SGCD: variants seen among roughly 807,000 people sequenced by gnomAD.
SGCD encodes sarcoglycan delta, also known as delta-sarcoglycan.
SGCD carries 18 observed loss-of-function variants against 36.6 expected under a neutral mutation model. The ratio of observed to expected loss-of-function variants is 0.49; its 90% CI spans 0.34 to 0.73. The LOEUF is 0.73. Among genes scored for constraint, SGCD ranks in the 30% least tolerant of loss-of-function variants. The probability of loss-of-function intolerance (pLI) is 0.01; values close to 1 mark genes in which losing one functional copy is unlikely to be tolerated. For missense variants in SGCD, 387 were observed against 346.7 expected (o/e 1.12, Z -0.92); for synonymous variants, 133 against 130.6 (o/e 1.02, Z -0.12).
chr5:156,735,770 A>G (rs1240925353), intron 7 of SGCD, among the ~76,000 whole-genome samples: 1 of 152,026 alleles, frequency 6.6e-6, no homozygotes, highest in African/African-American at 2.4e-5. Flanking sequence ...CCACTTTCCT[A>G]GGGGTATCTA....
chr5:155,801,083 A>G, the SGCD span, among the ~76,000 whole-genome samples: 1 of 152,086 alleles, frequency 6.6e-6, no homozygotes, highest in Non-Finnish European at 1.5e-5. Flanking sequence ...AGTCACACCT[A>G]TGGAGGAAGA....
chr5:156,591,845 A>G (rs889785838), intron 5 of SGCD, among the ~76,000 whole-genome samples: 1 of 152,062 alleles, frequency 6.6e-6, no homozygotes, highest in Non-Finnish European at 1.5e-5. Context: ...TGTCCAGGGA[A>G]TTTTGCAGCC....
At chr5:156,082,835 A>C (rs1025543267) in intron 1 of SGCD, among the ~76,000 whole-genome samples, 2 of 152,192 alleles carry the variant, frequency 1.3e-5, no homozygotes, top group African/African-American at 4.8e-5. Context: ...CAAAACTTCA[A>C]AACTGTTTTC....
At chr5:156,430,399 T>G (rs1347929867) in intron 3 of SGCD, among the ~76,000 whole-genome samples, 1 of 152,052 alleles carries the variant, frequency 6.6e-6, no homozygotes, top group African/African-American at 2.4e-5. Flanking sequence ...AGTTTTTTAT[T>G]CATATCCTGG....
At chr5:156,598,988 T>A (rs180846577) in intron 6 of SGCD, among the ~76,000 whole-genome samples, 17 of 152,358 alleles carry the variant, frequency 1.1e-4, no homozygotes, top group African/African-American at 4.1e-4. Flanking sequence ...TTTGCTTTTT[T>A]ATGTGAAATG....
intron 3 of SGCD, among the ~76,000 whole-genome samples, chr5:156,198,866 A>ATTG (rs1274448285): frequency 2.0e-5 from 3 of 151,828 alleles, no homozygotes; most frequent in Admixed American, 1.3e-4. Context: ...TATTATTATT[A>ATTG]TTATTTGATT....
chr5:155,765,513 A>G, the SGCD span, among the ~76,000 whole-genome samples: 4 of 152,046 alleles, frequency 2.6e-5, no homozygotes, highest in African/African-American at 4.8e-5. Flanking sequence ...AGGCAATCTA[A>G]TATAATCTAA....
In SGCD at chr5:156,470,539, T is replaced by C. The variant is rs539494620; in HGVS notation, c.193-38062T>C. Reference sequence around the variant, plus strand: ...CCCCAGAGTGTGATGTTCCCCTTCCTGTGTCCATGTGTTCTCATTGTTCAA... The same window carrying C: ...CCCCAGAGTGTGATGTTCCCCTTCCCGTGTCCATGTGTTCTCATTGTTCAA... On this transcript the variant is annotated intron_variant, in intron 3 of 8. Coordinates refer to ENST00000337851, the MANE Select transcript of SGCD (RefSeq NM_000337.6). 1.1e-3 allele frequency among the ~76,000 whole-genome samples: 161 copies of C among 143,428 alleles called. 1 individual carries two copies. The highest frequency in any genetic ancestry group is 4.0e-3 in the African/African-American group (154 of 38,898). 94.1% of individuals were successfully genotyped at this position (143,428 alleles called of 152,430 possible). A position where few individuals can be genotyped will look rare whatever the true frequency, so the allele number is the denominator to read the frequency against.
rs150404227 is a variant in SGCD, at chr5:156,747,884, C to G, written c.576-9697C>G. The stretch of plus-strand genomic sequence containing the variant: ...TGTCTTATAACCTAGTCATTCCACT[C>G]GAAGCTGCCTGTTCAAGAGAAATGA... On this transcript the variant is annotated intron_variant, in intron 7 of 8. Transcript: ENST00000337851. Among the ~76,000 whole-genome samples the G allele has an allele frequency of 6.7e-3, 1,024 of 152,212 alleles. 5 individuals are homozygous for G. Among genetic ancestry groups the G allele is most frequent in the Non-Finnish European group, 0.011 (779 of 68,030 alleles).
chr5:156,103,507 A>G (rs1386475098), intron 1 of SGCD, among the ~76,000 whole-genome samples: 1 of 152,120 alleles, frequency 6.6e-6, no homozygotes, highest in South Asian at 2.1e-4. Context: ...GGTATAAGGG[A>G]TATAAAAATG....
intron 3 of SGCD, among the ~76,000 whole-genome samples, chr5:156,145,694 G>A (rs1422763342): frequency 3.9e-5 from 6 of 152,076 alleles, no homozygotes; most frequent in Non-Finnish European, 7.4e-5. Flanking sequence ...CTTCAAGAAG[G>A]ATACACTCAA....
chr5:155,921,815 A>G (rs17053001), intron 1 of SGCD, among the ~76,000 whole-genome samples: 13,536 of 152,316 alleles, frequency 0.089, 702 homozygotes, highest in Middle Eastern at 0.13. Context: ...TGGCCATCAG[A>G]AAATACTTGC....
chr5:156,071,723 C>A (rs1760570060), intron 1 of SGCD, among the ~76,000 whole-genome samples: 1 of 152,134 alleles, frequency 6.6e-6, no homozygotes, highest in African/African-American at 2.4e-5. Context: ...CTAATGTTGA[C>A]AGTGGGGTGT....
At chr5:156,611,838 C>G (rs1761826514) in intron 6 of SGCD, among the ~76,000 whole-genome samples, 1 of 152,140 alleles carries the variant, frequency 6.6e-6, no homozygotes, top group Non-Finnish European at 1.5e-5. Context: ...TTCAAAAATT[C>G]TTTCTTATGC....
intron 3 of SGCD, among the ~76,000 whole-genome samples, chr5:156,362,820 A>G (rs1769877129): frequency 1.3e-5 from 2 of 152,170 alleles, no homozygotes; most frequent in African/African-American, 4.8e-5. Flanking sequence ...CAAACATTGT[A>G]AATGGACTCC....
intron 1 of SGCD, among the ~76,000 whole-genome samples, chr5:155,946,231 G>A (rs192585701): frequency 7.2e-5 from 11 of 152,270 alleles, no homozygotes; most frequent in African/African-American, 2.4e-4. Context: ...AATGTGTTAG[G>A]TGTTGTGCAT....
chr5:156,254,016 G>A (rs1485266402), intron 3 of SGCD, among the ~76,000 whole-genome samples: 1 of 152,076 alleles, frequency 6.6e-6, no homozygotes, highest in Non-Finnish European at 1.5e-5. Flanking sequence ...ATTTGGTAAG[G>A]CAGAGTTCTA....
chr5:156,642,516 C>A (rs1763071148), intron 6 of SGCD, among the ~76,000 whole-genome samples: 1 of 134,248 alleles, frequency 7.4e-6, no homozygotes, highest in African/African-American at 3.0e-5. Flanking sequence ...GTCTCCCAGG[C>A]TAGAGGGCAG....
intron 3 of SGCD, among the ~76,000 whole-genome samples, chr5:156,306,986 T>C (rs551850182): frequency 6.6e-6 from 1 of 152,166 alleles, no homozygotes; most frequent in Non-Finnish European, 1.5e-5. Context: ...TTTCTGATAT[T>C]AATATAACCA....
Sources: allele counts gnomAD v4.1 joint callset (sites outside exome capture counted in the v4.1 genomes callset), GRCh38; gene constraint gnomAD v4.1.1; transcripts MANE v1.5; gene names NCBI Gene and HGNC (gene_info 2026-07-23, HGNC 2026-07-21).